Variants in KLF7 observed in about 807,000 individuals in gnomAD.
KLF7 encodes the protein KLF transcription factor 7, also known as Krueppel-like factor 7.
Under a neutral mutation model 27.3 loss-of-function variants are expected in KLF7, and 2 were observed. That is an observed-to-expected ratio of 0.07 (90% CI 0.03 to 0.23). The LOEUF (loss-of-function observed/expected upper bound fraction) is 0.23. Ranked by LOEUF, KLF7 falls within the 10% of genes least tolerant of loss-of-function variation. KLF7 has a pLI of 1.00. For synonymous variants in KLF7, 165 were observed against 162.4 expected (o/e 1.02, Z -0.12); for missense variants, 221 against 394.1 (o/e 0.56, Z 3.72).
chr2:207,135,986 T>C (rs2077773821), intron 1 of KLF7, among the ~76,000 whole-genome samples: 1 of 152,168 alleles, frequency 6.6e-6, no homozygotes, highest in Admixed American at 6.5e-5. Flanking sequence ...TCCTCTTTTC[T>C]CCTCTGGCCT....
chr2:207,083,107 C>T (rs1471438638), intron 3 of KLF7, among the ~76,000 whole-genome samples: 2 of 152,200 alleles, frequency 1.3e-5, no homozygotes, highest in Non-Finnish European at 2.9e-5. Flanking sequence ...AATCCCTTAG[C>T]GATGCCTCTA....
At chr2:207,131,430 C>CT (rs956851174) in intron 1 of KLF7, among the ~76,000 whole-genome samples, 7 of 152,308 alleles carry the variant, frequency 4.6e-5, no homozygotes, top group East Asian at 1.9e-4. Flanking sequence ...GTTTAATTAG[C>CT]TTTTTTGTGC....
intron 1 of KLF7, among the ~76,000 whole-genome samples, chr2:207,154,215 G>A (rs183044400): frequency 2.0e-5 from 3 of 152,248 alleles, no homozygotes; most frequent in East Asian, 1.9e-4. Context: ...CTCATAAGCT[G>A]CAGTAAGCTC....
intron 2 of KLF7, among the ~76,000 whole-genome samples, chr2:207,106,469 G>C (rs1349933394): frequency 6.6e-6 from 1 of 152,168 alleles, no homozygotes. Context: ...AAAATTGATT[G>C]AAAGGACATC....
At chr2:207,141,037 C>G (rs558457075) in intron 1 of KLF7, among the ~76,000 whole-genome samples, 1 of 152,088 alleles carries the variant, frequency 6.6e-6, no homozygotes, top group Non-Finnish European at 1.5e-5. Flanking sequence ...CATCTTCAGT[C>G]TCTGGTTTCT....
intron 2 of KLF7, among the ~76,000 whole-genome samples, chr2:207,122,510 A>C (rs1168895246): frequency 6.6e-6 from 1 of 152,216 alleles, no homozygotes; most frequent in Non-Finnish European, 1.5e-5. Context: ...GACCTCCAGA[A>C]CACTAGAATT....
At chr2:207,090,736 G>A (rs868103698) in intron 2 of KLF7, among the ~76,000 whole-genome samples, 2 of 152,126 alleles carry the variant, frequency 1.3e-5, no homozygotes, top group South Asian at 2.1e-4. Context: ...CCAAAACAGG[G>A]AGTGTTCTTT....
chr2:207,133,100 A>C (rs2077682392), intron 1 of KLF7, among the ~76,000 whole-genome samples: 1 of 152,222 alleles, frequency 6.6e-6, no homozygotes, highest in African/African-American at 2.4e-5. Context: ...CTGCTTATGC[A>C]GAGCTGGGGC....
intron 1 of KLF7, among the ~76,000 whole-genome samples, chr2:207,141,231 T>G (rs1241738808): frequency 1.3e-5 from 2 of 152,214 alleles, no homozygotes; most frequent in Non-Finnish European, 1.5e-5. Context: ...CCTCTGCTTA[T>G]AGCAGTGCCA....
At chr2:207,146,748 G>C (rs567933482) in intron 1 of KLF7, among the ~76,000 whole-genome samples, 1 of 152,140 alleles carries the variant, frequency 6.6e-6, no homozygotes, top group Non-Finnish European at 1.5e-5. Flanking sequence ...CCAGAAAAAC[G>C]GAAGAAAGAG....
chr2:207,167,169 G>A (rs758794168), upstream of KLF7: 4 of 1,429,922 alleles, frequency 2.8e-6, no homozygotes, highest in Admixed American at 1.1e-4. Context: ...TGTCTGCAGA[G>A]CTTCGATGGT....
At chr2:207,085,371 A>G (rs2076364813) in intron 3 of KLF7, among the ~76,000 whole-genome samples, 1 of 152,096 alleles carries the variant, frequency 6.6e-6, no homozygotes, top group Non-Finnish European at 1.5e-5. Context: ...TCCCTGGATT[A>G]TAACTGCACT....
chr2:207,102,115 T>TACATTC (rs1270955865), intron 2 of KLF7, among the ~76,000 whole-genome samples: 6 of 126,662 alleles, frequency 4.7e-5, no homozygotes, highest in Non-Finnish European at 1.0e-4. Flanking sequence ...CCGTGAAAGC[T>TACATTC]ACATTCACAT....
At chr2:207,082,582 GT>G (rs1312702223) in intron 3 of KLF7, among the ~76,000 whole-genome samples, 1 of 152,166 alleles carries the variant, frequency 6.6e-6, no homozygotes, top group Non-Finnish European at 1.5e-5. Flanking sequence ...TCAATCTCAG[GT>G]TCTGAATGAA....
upstream of KLF7, among the ~76,000 whole-genome samples, chr2:207,170,600 C>T (rs188032534): frequency 3.6e-4 from 55 of 152,258 alleles, no homozygotes; most frequent in East Asian, 9.9e-3. Context: ...GGATCTAATG[C>T]ACCTGGTTCC....
intron 1 of KLF7, among the ~76,000 whole-genome samples, chr2:207,127,736 G>A (rs1426206360): frequency 2.0e-5 from 3 of 151,916 alleles, no homozygotes; most frequent in African/African-American, 4.8e-5. Context: ...CCAGCTACTC[G>A]GGAGGCTGAG....
At chr2:207,125,692 A>G (rs2077459487) in intron 1 of KLF7, among the ~76,000 whole-genome samples, 1 of 152,192 alleles carries the variant, frequency 6.6e-6, no homozygotes, top group African/African-American at 2.4e-5. Context: ...TTTAACTATG[A>G]ATCAGCTTTG....
At chr2:207,090,515 T>G (rs957073526) in intron 2 of KLF7, among the ~76,000 whole-genome samples, 1 of 152,214 alleles carries the variant, frequency 6.6e-6, no homozygotes, top group Non-Finnish European at 1.5e-5. Context: ...CAGCCTTGCA[T>G]GCAGTCAGTA....
chr2:207,166,908 G>A (rs1025809226), upstream of KLF7: 5 of 1,040,002 alleles, frequency 4.8e-6, no homozygotes, highest in Non-Finnish European at 4.8e-6. Context: ...CCCGCCCCCC[G>A]CTTGCGCACA....
Sources: gnomAD v4.1 joint callset for allele counts (sites outside exome capture counted in the v4.1 genomes callset) on GRCh38, gnomAD v4.1.1 for gene constraint, MANE v1.5 for transcripts, NCBI Gene and HGNC (gene_info 2026-07-23, HGNC 2026-07-21) for gene names.